The following MCC variants were observed in gnomAD, a reference collection of about 807,000 sequenced individuals.
MCC encodes the protein colorectal mutant cancer protein.
Under a neutral mutation model 116.2 loss-of-function variants are expected in MCC, and 90 were observed. That is an observed-to-expected ratio of 0.77 (90% CI 0.65 to 0.92). The LOEUF is 0.92. Among genes scored for constraint, MCC ranks in the 40% least tolerant of loss-of-function variants. The pLI, the probability that MCC is intolerant of heterozygous loss-of-function variation, is 0.00. For synonymous variants in MCC, 578 were observed against 510.5 expected (o/e 1.13, Z -1.78); for missense variants, 1,516 against 1,312.2 (o/e 1.16, Z -2.40).
chr5:113,124,660 G>A (rs1456336484), intron 5 of MCC, among the ~76,000 whole-genome samples: 1 of 152,226 alleles, frequency 6.6e-6, no homozygotes, highest in Non-Finnish European at 1.5e-5. Context: ...GAAAGTATGG[G>A]AAAGGGAAGC....
At chr5:113,312,206 G>A (rs1767151761) in intron 3 of MCC, among the ~76,000 whole-genome samples, 2 of 152,132 alleles carry the variant, frequency 1.3e-5, no homozygotes, top group South Asian at 4.1e-4. Context: ...GAACCTGGGA[G>A]GCAGAGGTTG....
At chr5:113,209,568 G>A (rs577842537) in intron 3 of MCC, among the ~76,000 whole-genome samples, 5 of 152,316 alleles carry the variant, frequency 3.3e-5, no homozygotes, top group African/African-American at 1.2e-4. Flanking sequence ...TTATTGTAAA[G>A]ACCCAGTATA....
chr5:113,415,910 T>C (rs1208798102), intron 1 of MCC, among the ~76,000 whole-genome samples: 3 of 152,234 alleles, frequency 2.0e-5, no homozygotes, highest in Non-Finnish European at 4.4e-5. Flanking sequence ...TGTGGTTTTA[T>C]CTACCTTTGG....
intron 11 of MCC, among the ~76,000 whole-genome samples, chr5:113,078,592 T>C (rs1754622934): frequency 6.6e-6 from 1 of 152,212 alleles, no homozygotes; most frequent in South Asian, 2.1e-4. Context: ...GAAAAGGCCT[T>C]TGACAACATT....
chr5:113,319,600 A>C (rs1489699308), intron 3 of MCC, among the ~76,000 whole-genome samples: 4 of 152,190 alleles, frequency 2.6e-5, no homozygotes, highest in Non-Finnish European at 5.9e-5. Flanking sequence ...TTTTCAAACC[A>C]AAATTCAACT....
At chr5:113,333,828 T>TACAC (rs71687516) in intron 3 of MCC, among the ~76,000 whole-genome samples, 1 of 12,274 alleles carries the variant, frequency 8.1e-5, no homozygotes, top group South Asian at 4.1e-3. Flanking sequence ...TACATATATG[T>TACAC]ATATATGTAT....
At chr5:113,474,446 G>A (rs1300250059) in intron 1 of MCC, among the ~76,000 whole-genome samples, 2 of 152,206 alleles carry the variant, frequency 1.3e-5, no homozygotes, top group African/African-American at 4.8e-5. Flanking sequence ...AGCCTGGGAC[G>A]CTGCAGTGAA....
intron 2 of MCC, among the ~76,000 whole-genome samples, chr5:113,353,157 T>C (rs1480843987): frequency 6.6e-6 from 1 of 152,168 alleles, no homozygotes; most frequent in Non-Finnish European, 1.5e-5. Context: ...TTTCACGTGC[T>C]GTTTTTGTGC....
intron 1 of MCC, among the ~76,000 whole-genome samples, chr5:113,450,112 C>A (rs1771346415): frequency 6.6e-6 from 1 of 152,112 alleles, no homozygotes; most frequent in Non-Finnish European, 1.5e-5. Flanking sequence ...CTCCTTATGT[C>A]CACACTCCCC....
At chr5:113,157,511 G>A (rs532127482) in intron 3 of MCC, among the ~76,000 whole-genome samples, 3 of 150,530 alleles carry the variant, frequency 2.0e-5, no homozygotes, top group Admixed American at 6.6e-5. Context: ...CTAGATACAT[G>A]CACCTCATGC....
chr5:113,250,977 A>ACTTTGTGT (rs1764779201), intron 3 of MCC, among the ~76,000 whole-genome samples: 1 of 152,228 alleles, frequency 6.6e-6, no homozygotes, highest in Admixed American at 6.5e-5. Flanking sequence ...GGTCACACAA[A>ACTTTGTGT]GGATTTATAC....
At chr5:113,126,908 T>C (rs1758084654) in intron 5 of MCC, among the ~76,000 whole-genome samples, 1 of 152,186 alleles carries the variant, frequency 6.6e-6, no homozygotes, top group African/African-American at 2.4e-5. Context: ...CATGAGTACA[T>C]GTGAGGGTTT....
At chr5:113,268,829 AAAAACACATTAGCT>A (rs1047376643) in intron 3 of MCC, among the ~76,000 whole-genome samples, 1 of 152,176 alleles carries the variant, frequency 6.6e-6, no homozygotes, top group African/African-American at 2.4e-5. Flanking sequence ...GTTTAAGGGG[AAAAACACATTAGCT>A]AAAACACACC....
At chr5:113,094,240 T>C (rs1337360328) in intron 8 of MCC, among the ~76,000 whole-genome samples, 1 of 152,166 alleles carries the variant, frequency 6.6e-6, no homozygotes, top group Non-Finnish European at 1.5e-5. Context: ...ATGGCAATTT[T>C]GACTAGATGG....
intron 3 of MCC, among the ~76,000 whole-genome samples, chr5:113,160,984 T>C (rs1034453563): frequency 3.3e-5 from 5 of 152,260 alleles, no homozygotes; most frequent in African/African-American, 1.2e-4. Flanking sequence ...TCTTTAAAAA[T>C]TAAAAATCTA....
chr5:113,035,383 C>G (rs1446454935), intron 17 of MCC, among the ~76,000 whole-genome samples: 1 of 152,228 alleles, frequency 6.6e-6, no homozygotes, highest in African/African-American at 2.4e-5. Flanking sequence ...AGCCTGCTAA[C>G]TGGTTTCTCT....
intron 2 of MCC, among the ~76,000 whole-genome samples, chr5:113,383,668 C>T (rs1476778552): frequency 6.6e-6 from 1 of 151,714 alleles, no homozygotes; most frequent in East Asian, 1.9e-4. Context: ...TTATAATGAA[C>T]ATATATTACT....
At chr5:113,297,845 G>T (rs1405318357) in intron 3 of MCC, among the ~76,000 whole-genome samples, 1 of 151,738 alleles carries the variant, frequency 6.6e-6, no homozygotes, top group Non-Finnish European at 1.5e-5. Flanking sequence ...AAACAGGAGA[G>T]CTTAAAAACA....
At chr5:113,060,762 G>A (rs1005591375) in intron 14 of MCC, among the ~76,000 whole-genome samples, 1 of 152,204 alleles carries the variant, frequency 6.6e-6, no homozygotes, top group Non-Finnish European at 1.5e-5. Flanking sequence ...TTGAGCAGGA[G>A]GACTGATCAT....
Sources: gnomAD v4.1 joint callset for allele counts (sites outside exome capture counted in the v4.1 genomes callset) on GRCh38, gnomAD v4.1.1 for gene constraint, MANE v1.5 for transcripts, NCBI Gene and HGNC (gene_info 2026-07-23, HGNC 2026-07-21) for gene names.